Variants in CHADL observed in about 807,000 individuals in gnomAD.
The protein encoded by CHADL is chondroadherin-like protein.
A neutral mutation model predicts 52.1 loss-of-function variants in CHADL; 48 were observed. The ratio of observed to expected loss-of-function variants is 0.92; its 90% CI spans 0.73 to 1.17. The LOEUF (loss-of-function observed/expected upper bound fraction) is 1.17, where lower values mean the gene tolerates loss of function less well. Ranked by LOEUF, CHADL falls within the 50% of genes most tolerant of loss-of-function variation. The pLI is 0.00. For missense variants in CHADL, 977 were observed against 1,035.1 expected (o/e 0.94, Z 0.77); for synonymous variants, 498 against 511.2 (o/e 0.97, Z 0.35).
In CHADL at chr22:41,238,505, C is replaced by T. The variant is rs760575468; in HGVS notation, c.567G>A (p.Leu189=). 4 of 1,540,680 alleles carry T rather than the reference C, an allele frequency of 2.6e-6. No homozygotes were observed. In the East Asian group the frequency reaches 9.8e-5, roughly 38 times the overall value. ...QGLLRVRWLR[L]SHNALSVLAP... The stretch of plus-strand genomic sequence containing the variant: ...CCAGCACGCTGAGCGCGTTGTGCGA[C>T]AGCCGCAGCCAGCGGACGCGCAGTA... Residue 189 remains leucine, a synonymous_variant, in exon 3 of 6, where the codon CTG becomes CTA. Transcript: ENST00000216241. The surrounding 1 kb of genome is among the most constrained non-coding windows in gnomAD (Gnocchi z 4.9).
chr22:41,237,884 G>C lies in CHADL; in HGVS notation c.1188C>G (p.Cys396Trp). 8.7e-7 allele frequency: 1 copy of C among 1,155,128 alleles called. No individual in the cohort carries two copies. The highest frequency in any genetic ancestry group is 1.1e-6 in the Non-Finnish European group (1 of 911,368). The allele number at this position is 1,155,128 out of a possible 1,614,324, so 71.6% of individuals were successfully genotyped here. A position where few individuals can be genotyped will look rare whatever the true frequency, so the allele number is the denominator to read the frequency against. Residue 396 changes from cysteine to tryptophan, a missense_variant, in exon 3 of 6, where the codon TGC becomes TGG. Cys to Trp is a radical substitution (Grantham distance 215). Transcript: ENST00000216241. Reference sequence around the variant, plus strand: ...CGGGGACGCACACGCAGGCGCGAGGGCAAGGCGCGACTGCCCGCTCCTCCC... The same window carrying C: ...CGGGGACGCACACGCAGGCGCGAGGCCAAGGCGCGACTGCCCGCTCCTCCC... ...GPGEERAVAP[C>W]PRACVCVPES... is the part of the protein sequence containing the mutation.
rs1435016783 is a variant in CHADL, at chr22:41,237,863, G to A, written c.1209C>T (p.Val403=). The A allele has an allele frequency of 3.1e-6, 4 of 1,299,294 alleles. No individual in the cohort carries two copies. The South Asian group carries it at 6.3e-5, about 20-fold the overall frequency. 80.5% of individuals were successfully genotyped at this position (1,299,294 alleles called of 1,614,324 possible). A position where few individuals can be genotyped will look rare whatever the true frequency, so the allele number is the denominator to read the frequency against. ...CGCAGCTGCTGTGCCGGGACTCGGGGACGCACACGCAGGCGCGAGGGCAAG... is the reference window on the plus strand; with the variant it reads ...CGCAGCTGCTGTGCCGGGACTCGGGAACGCACACGCAGGCGCGAGGGCAAG... ...VAPCPRACVC[V]PESRHSSCEG... is the part of the protein sequence containing the mutation. Residue 403 remains valine, a synonymous_variant, in exon 3 of 6, where the codon GTC becomes GTT. Coordinates refer to ENST00000216241, the MANE Select transcript of CHADL (RefSeq NM_138481.2).
chr22:41,238,694 GGGCAGCTCACGCAGGT>G lies in CHADL; in HGVS notation c.362_377del (p.His121ProfsTer38). ...AGCCCAGCCCGTCCAGCGCCTCCTG[GGGCAGCTCACGCAGGT>G]GGTTGGAGGCCAGGTTGAGCAGGAG... On this transcript the variant is annotated frameshift_variant, in exon 3 of 6. Transcript: ENST00000216241. LOFTEE classifies it high-confidence loss of function. The surrounding 1 kb of genome is among the most constrained non-coding windows in gnomAD (Gnocchi z 4.9). 1.3e-6 allele frequency: 2 copies of G among 1,546,620 alleles called. No homozygotes were observed. Among genetic ancestry groups the G allele is most frequent in the Non-Finnish European group, 1.7e-6 (2 of 1,145,910 alleles).
In CHADL at chr22:41,237,756, G is replaced by C. The variant is rs1015816635; in HGVS notation, c.1316C>G (p.Ser439Trp). ...LLDLRRNHFP[S>W]VPRAAFPGLG... Reference sequence around the variant, plus strand: ...GCCGGGGAAGGCCGCTCGGGGCACCGAGGGGAAGTGGTTCCGCCTCAGGTC... The same window carrying C: ...GCCGGGGAAGGCCGCTCGGGGCACCCAGGGGAAGTGGTTCCGCCTCAGGTC... Residue 439 changes from serine (S) to tryptophan (W), a missense_variant, in exon 3 of 6, where the codon TCG (serine) becomes TGG (tryptophan). Physicochemically the swap from Ser to Trp is radical, Grantham distance 177. Coordinates refer to ENST00000216241, the MANE Select transcript of CHADL (RefSeq NM_138481.2). 1.5e-5 allele frequency: 23 copies of C among 1,538,490 alleles called. No homozygotes were observed. In the African/African-American group the frequency reaches 3.0e-4, roughly 20 times the overall value.
chr22:41,231,997 A>G (rs918214916), intron 5 of CHADL, among the ~76,000 whole-genome samples: 8 of 152,180 alleles, frequency 5.3e-5, no homozygotes, highest in African/African-American at 1.9e-4. Context: ...TACTGATGGG[A>G]AAAAAGAAGC....
intron 3 of CHADL, 93 bp downstream of exon 3, chr22:41,237,083 C>A: frequency 7.5e-7 from 1 of 1,335,144 alleles, no homozygotes; most frequent in South Asian, 1.5e-5. Context: ...GACCTGGCAC[C>A]AAGGGGCTGG....
At chr22:41,231,412 A>G (rs1214135144) in intron 5 of CHADL, 2 of 152,264 alleles carry the variant, frequency 1.3e-5, no homozygotes, top group African/African-American at 2.4e-5. Flanking sequence ...CATCAGCTCA[A>G]GTTCCCTGTC....
Position 41,229,728 on chromosome 22 carries a change from C to T in CHADL, c.2265G>A (p.Val755=). 2 of 1,611,312 alleles carry T rather than the reference C, an allele frequency of 1.2e-6. No homozygotes were observed. The highest frequency in any genetic ancestry group is 8.5e-7 in the Non-Finnish European group (1 of 1,179,496). ...IKGRQCGADK[V]GKEKGRL ...CTCAGAGACGACCCTTCTCCTTCCCCACCTGGGCACAGAAGAGTAGAGTCA... is the reference window on the plus strand; with the variant it reads ...CTCAGAGACGACCCTTCTCCTTCCCTACCTGGGCACAGAAGAGTAGAGTCA... The change falls in exon 6 of 6, where the codon GTG becomes GTA. Residue 755 remains valine, a splice_region_variant and synonymous_variant. Transcript: ENST00000216241.
rs1347445252 is a variant in CHADL, at chr22:41,237,910, CG to C, written c.1161del (p.Glu389ArgfsTer44). The C allele has an allele frequency of 3.1e-6, 4 of 1,296,684 alleles. No homozygotes were observed. Among genetic ancestry groups the C allele is most frequent in the Non-Finnish European group, 2.9e-6 (3 of 1,028,366 alleles). The allele number at this position is 1,296,684 out of a possible 1,614,324, so 80.3% of individuals were successfully genotyped here. A position where few individuals can be genotyped will look rare whatever the true frequency, so the allele number is the denominator to read the frequency against. ...CAAGGCGCGACTGCCCGCTCCTCCC[CG>C]GGGCCGCGCGGAGGGCCGCGCGGAG... ...RAPPRGPPRGPGEERAVAPCP... is the reference protein window; with the variant it reads ...RAPPRGPPRGXGEERAVAPCP... On this transcript the variant is annotated frameshift_variant, in exon 3 of 6. Coordinates refer to ENST00000216241, the MANE Select transcript of CHADL (RefSeq NM_138481.2). LOFTEE classifies it high-confidence loss of function.
In CHADL at chr22:41,235,261, C is replaced by T. The variant is rs1601556288; in HGVS notation, c.2146G>A (p.Ala716Thr). ...CCCGGGCAGTCTTCAAAGACAGCAGCTGCAGCCTTCACCCTCTGGCCACGG... is the reference window on the plus strand; with the variant it reads ...CCCGGGCAGTCTTCAAAGACAGCAGTTGCAGCCTTCACCCTCTGGCCACGG... ...NARGQRVKAA[A>T]AVFEDCPGWA... Residue 716 changes from alanine (A) to threonine (T), a missense_variant, in exon 5 of 6, where the codon GCT becomes ACT. Ala to Thr is a moderately conservative substitution (Grantham distance 58, BLOSUM62 0). Coordinates refer to ENST00000216241, the MANE Select transcript of CHADL (RefSeq NM_138481.2). 5 of 1,551,374 alleles carry T rather than the reference C, an allele frequency of 3.2e-6. No individual in the cohort carries two copies. Among genetic ancestry groups the T allele is most frequent in the Non-Finnish European group, 4.4e-6 (5 of 1,147,012 alleles).
At chr22:41,232,085 C>T (rs1263389619) in intron 5 of CHADL, among the ~76,000 whole-genome samples, 4 of 152,162 alleles carry the variant, frequency 2.6e-5, no homozygotes, top group Non-Finnish European at 4.4e-5. Context: ...GTAATCCCAG[C>T]ACTTTGGGAG....
chr22:41,232,015 C>T (rs573519218), intron 5 of CHADL, among the ~76,000 whole-genome samples: 9 of 152,286 alleles, frequency 5.9e-5, no homozygotes, highest in African/African-American at 2.2e-4. Flanking sequence ...AGCCTCAGTA[C>T]AGTTTAGTCG....
chr22:41,232,867 G>A (rs1047624849), intron 5 of CHADL, among the ~76,000 whole-genome samples: 7 of 152,112 alleles, frequency 4.6e-5, no homozygotes, highest in South Asian at 2.1e-4. Flanking sequence ...TTTCCCAGTC[G>A]CGCACGTGAC....
At chr22:41,233,975 G>C (rs1601555057) in intron 5 of CHADL, among the ~76,000 whole-genome samples, 1 of 152,258 alleles carries the variant, frequency 6.6e-6, no homozygotes, top group Non-Finnish European at 1.5e-5. Flanking sequence ...ACCCTTCTCT[G>C]ATATGCTGTG....
At chr22:41,230,133 C>G (rs1224802650) in intron 5 of CHADL, 1 of 1,505,664 alleles carries the variant, frequency 6.6e-7, no homozygotes, top group African/African-American at 1.4e-5. Context: ...TCCCCTCCCT[C>G]TTCAGTCATT....
intron 5 of CHADL, chr22:41,230,089 C>CCCCCCCCCCTCCTT: frequency 1.1e-6 from 1 of 873,242 alleles, no homozygotes. Context: ...GCCCCCACCC[C>CCCCCCCCCCTCCTT]TCCCAGAGTT....
intron 5 of CHADL, 100 bp from the exon 6 acceptor site, chr22:41,229,830 C>A (rs1820110063): frequency 9.1e-7 from 1 of 1,103,600 alleles, no homozygotes; most frequent in South Asian, 1.3e-5. Flanking sequence ...ACGCCCCCAA[C>A]TGTGAATGGA....
chr22:41,237,701 C>G lies in CHADL; in HGVS notation c.1371G>C (p.Gln457His), dbSNP rs2032770664. 6.5e-7 allele frequency: 1 copy of G among 1,542,040 alleles called. No homozygotes were observed. Among genetic ancestry groups the G allele is most frequent in the Non-Finnish European group, 8.8e-7 (1 of 1,142,642 alleles). Reference sequence around the variant, plus strand: ...CTTCCAGCTCCGCGATGCCGCAGTGCTGCAGGTGCAGCGACACCAGGTGGC... The same window carrying G: ...CTTCCAGCTCCGCGATGCCGCAGTGGTGCAGGTGCAGCGACACCAGGTGGC... ...GLGHLVSLHL[Q>H]HCGIAELEAG... The change falls in exon 3 of 6, where the codon CAG becomes CAC. Residue 457 changes from glutamine to histidine, a missense_variant. Gln to His is a conservative substitution (Grantham distance 24). Transcript: ENST00000216241.
Position 41,237,444 on chromosome 22 carries a change from CTCCCCAGG to C in CHADL, c.1620_1627del (p.Asp540GlufsTer68). ...GTAGACCCAGCGCAAGGCCCGTGTT[CTCCCCAGG>C]TCCCCAGGTGCCAGGCGGTCCACAG... On this transcript the variant is annotated frameshift_variant, in exon 3 of 6. Transcript: ENST00000216241. LOFTEE classifies it high-confidence loss of function. 1 of 1,550,508 alleles carries C rather than the reference CTCCCCAGG, an allele frequency of 6.4e-7. No homozygotes were observed. The highest frequency in any genetic ancestry group is 8.7e-7 in the Non-Finnish European group (1 of 1,146,966).
Sources: gnomAD v4.1 joint callset for allele counts (sites outside exome capture counted in the v4.1 genomes callset) on GRCh38, gnomAD v4.1.1 for gene constraint, Gnocchi (gnomAD v3.1) non-coding constraint, MANE v1.5 for transcripts, NCBI Gene and HGNC (gene_info 2026-07-23, HGNC 2026-07-21) for gene names.